Variants in EFCAB6 observed in about 807,000 individuals in gnomAD.
EFCAB6 encodes the protein EF-hand calcium-binding domain-containing protein 6.
A neutral mutation model predicts 169.8 loss-of-function variants in EFCAB6; 156 were observed. That is an observed-to-expected ratio of 0.92 (90% CI 0.81 to 1.05). EFCAB6 has a LOEUF of 1.05. Among genes scored for constraint, EFCAB6 ranks in the 50% least tolerant of loss-of-function variants. EFCAB6 has a pLI of 0.00. For missense variants in EFCAB6, 1,800 were observed against 1,829.1 expected, an observed-to-expected ratio of 0.98 and a Z score of 0.29; for synonymous variants, 698 against 676.4, an observed-to-expected ratio of 1.03 and a Z score of -0.50.
At chr22:43,711,209 A>C (rs1000740873) in intron 10 of EFCAB6, among the ~76,000 whole-genome samples, 1 of 152,182 alleles carries the variant, frequency 6.6e-6, no homozygotes, top group Non-Finnish European at 1.5e-5. Context: ...GAAATATGCT[A>C]TCTGGTATTT....
At position 43,608,555 on chromosome 22, in the gene EFCAB6, G is replaced by A. The variant is rs376572436; in HGVS notation, c.2608C>T (p.Arg870Trp). The change falls in exon 22 of 32, where the codon CGG becomes TGG. Residue 870 changes from arginine (R) to tryptophan (W), a missense_variant. Arg to Trp is a moderately radical substitution (Grantham distance 101). Coordinates refer to ENST00000262726, the MANE Select transcript of EFCAB6 (RefSeq NM_022785.4). ...DNEGNGILRR[R>W]DIKNALYGFD... is the part of the protein sequence containing the mutation. ...CCGTACAGTGCGTTCTTTATGTCCC[G>A]GCGTCGAAGAATGCCATTGCCCTCA... The A allele has an allele frequency of 2.0e-5, 32 of 1,614,090 alleles. No individual in the cohort carries two copies. The highest frequency in any genetic ancestry group is 8.3e-5 in the Admixed American group (5 of 60,016).
At chr22:43,715,017 T>C (rs2059284458) in intron 9 of EFCAB6, among the ~76,000 whole-genome samples, 1 of 151,996 alleles carries the variant, frequency 6.6e-6, no homozygotes, top group African/African-American at 2.4e-5. Flanking sequence ...AATGGTGAGG[T>C]GGGAGGTAGG....
chr22:43,768,941 G>A (rs923380546), intron 4 of EFCAB6, among the ~76,000 whole-genome samples: 1 of 152,180 alleles, frequency 6.6e-6, no homozygotes, highest in East Asian at 1.9e-4. Flanking sequence ...AAGGATGAAT[G>A]TTCTTTAAAA....
chr22:43,792,097 T>C (rs997920147), intron 2 of EFCAB6, among the ~76,000 whole-genome samples: 1 of 152,126 alleles, frequency 6.6e-6, no homozygotes, highest in African/African-American at 2.4e-5. Flanking sequence ...GATTCTGCTT[T>C]CTCCTTGAAC....
intron 2 of EFCAB6, among the ~76,000 whole-genome samples, chr22:43,788,321 C>T (rs1246758399): frequency 6.6e-6 from 1 of 151,912 alleles, no homozygotes; most frequent in Non-Finnish European, 1.5e-5. Flanking sequence ...AAATTATTTG[C>T]CAATCATATA....
intron 8 of EFCAB6, among the ~76,000 whole-genome samples, chr22:43,727,876 C>T (rs75494408): frequency 5.9e-5 from 9 of 151,850 alleles, no homozygotes; most frequent in East Asian, 5.8e-4. Flanking sequence ...AGCATCTGCT[C>T]GGCTTCAAGA....
chr22:43,810,784 G>A (rs180813167), intron 1 of EFCAB6, among the ~76,000 whole-genome samples: 1 of 152,256 alleles, frequency 6.6e-6, no homozygotes, highest in Non-Finnish European at 1.5e-5. Context: ...GAGGAAAAAG[G>A]GAAAGCACAG....
chr22:43,534,557 TG>T, intron 30 of EFCAB6, 130 bp downstream of exon 30: 1 of 827,942 alleles, frequency 1.2e-6, no homozygotes, highest in Non-Finnish European at 1.8e-6. Flanking sequence ...GCTGGGAGTT[TG>T]AGGCTGCAGT....
At chr22:43,567,482 T>C (rs1407956940) in intron 26 of EFCAB6, among the ~76,000 whole-genome samples, 1 of 152,160 alleles carries the variant, frequency 6.6e-6, no homozygotes, top group East Asian at 1.9e-4. Flanking sequence ...TAATAAGGAA[T>C]GCAAATGTTT....
At chr22:43,687,449 T>TTG (rs1556073520) in intron 11 of EFCAB6, 22 bp downstream of exon 11, 96 of 1,011,422 alleles carry the variant, frequency 9.5e-5, no homozygotes, top group South Asian at 1.6e-4. Context: ...TAAAATTTGT[T>TTG]TTTTTTTTTT....
intron 27 of EFCAB6, 47 bp from the exon 28 acceptor site, chr22:43,540,404 G>A: frequency 6.2e-7 from 1 of 1,610,380 alleles, no homozygotes; most frequent in Non-Finnish European, 8.5e-7. Context: ...TGCAAACACA[G>A]GCAGCGTCGC....
At chr22:43,701,362 T>C (rs999618029) in intron 10 of EFCAB6, among the ~76,000 whole-genome samples, 2 of 152,130 alleles carry the variant, frequency 1.3e-5, no homozygotes, top group African/African-American at 4.8e-5. Context: ...TCCTCAACAA[T>C]CACCATCTAG....
At chr22:43,573,701 A>G (rs1317731054) in intron 26 of EFCAB6, among the ~76,000 whole-genome samples, 2 of 145,586 alleles carry the variant, frequency 1.4e-5, no homozygotes, top group African/African-American at 5.2e-5. Context: ...ATTGCACTCC[A>G]GCCTGGGCAA....
chr22:43,781,291 T>A (rs1026457520), intron 3 of EFCAB6, among the ~76,000 whole-genome samples: 1 of 152,150 alleles, frequency 6.6e-6, no homozygotes, highest in Non-Finnish European at 1.5e-5. Flanking sequence ...TCACTTACAA[T>A]TGCAAAACAC....
chr22:43,545,816 A>AGTCTTGC (rs2048025775), intron 27 of EFCAB6, among the ~76,000 whole-genome samples: 2 of 152,204 alleles, frequency 1.3e-5, no homozygotes, highest in Admixed American at 1.3e-4. Flanking sequence ...GGCTGGCAGC[A>AGTCTTGC]TCTTTGGCAC....
rs184368750 is a variant in EFCAB6 at position 43,626,561 on chromosome 22, C to T, written c.2351G>A (p.Arg784His). The change falls in exon 20 of 32, where the codon CGC (arginine) becomes CAC (histidine). Residue 784 changes from arginine (R) to histidine (H), a missense_variant. By Grantham distance (29) the Arg-to-His change is conservative. Transcript: ENST00000262726. ...LLNLKDDEFE[R>H]FLGLLGLRLS... Reference sequence around the variant, plus strand: ...TCTCAAGCCAAGAAGGCCAAGGAAGCGCTCAAACTCGTCGTCTTTGAGATT... The same window carrying T: ...TCTCAAGCCAAGAAGGCCAAGGAAGTGCTCAAACTCGTCGTCTTTGAGATT... The T allele has an allele frequency of 3.7e-5, 60 of 1,614,198 alleles. No homozygotes were observed. The East Asian group carries it at 1.2e-3, about 32-fold the overall frequency.
At position 43,537,601 on chromosome 22, in the gene EFCAB6, T is replaced by C. The variant is rs2047457654; in HGVS notation, c.3880-56A>G. The C allele has an allele frequency of 2.6e-6, 4 of 1,551,552 alleles. No individual in the cohort carries two copies. The East Asian group carries it at 9.1e-5, about 35-fold the overall frequency. ...CACTTAAGATTTAAAACGGAAGTCA[T>C]CAAAAATACCTCAATACCTCCAGTT... is the stretch of plus-strand genomic sequence containing the variant. On this transcript the variant is annotated intron_variant, in intron 28 of 31. Transcript: ENST00000262726. This position sits in a 1 kb window ranked among gnomAD's most constrained non-coding sequence, Gnocchi z 4.3.
At chr22:43,714,178 G>T (rs1200144129) in intron 9 of EFCAB6, among the ~76,000 whole-genome samples, 6 of 152,138 alleles carry the variant, frequency 3.9e-5, no homozygotes, top group African/African-American at 7.2e-5. Context: ...GCAAGGATGA[G>T]ATTTAAATTA....
At chr22:43,646,306 G>C (rs2056153128) in intron 17 of EFCAB6, among the ~76,000 whole-genome samples, 1 of 152,188 alleles carries the variant, frequency 6.6e-6, no homozygotes, top group South Asian at 2.1e-4. Context: ...TTCAAGAGCA[G>C]ATACATTTCC....
Sources: allele counts gnomAD v4.1 joint callset (sites outside exome capture counted in the v4.1 genomes callset), GRCh38; gene constraint gnomAD v4.1.1; non-coding constraint Gnocchi (gnomAD v3.1); transcripts MANE v1.5; gene names NCBI Gene and HGNC (gene_info 2026-07-23, HGNC 2026-07-21).